DIAPH2: variants seen among roughly 807,000 people sequenced by gnomAD.
DIAPH2 encodes the protein diaphanous related formin 2.
A neutral mutation model predicts 92.7 loss-of-function variants in DIAPH2; 35 were observed. The ratio of observed to expected loss-of-function variants is 0.38; its 90% CI spans 0.29 to 0.50. The LOEUF (loss-of-function observed/expected upper bound fraction) is 0.50, where lower values mean the gene tolerates loss of function less well. Among genes scored for constraint, DIAPH2 ranks in the 20% least tolerant of loss-of-function variants. The probability of loss-of-function intolerance (pLI) is 0.94; values close to 1 mark genes in which losing one functional copy is unlikely to be tolerated. For synonymous variants in DIAPH2, 301 were observed against 280.4 expected, an observed-to-expected ratio of 1.07 and a Z score of -0.73; for missense variants, 701 against 819.5, an observed-to-expected ratio of 0.86 and a Z score of 1.77.
intron 4 of DIAPH2, among the ~76,000 whole-genome samples, chrX:96,833,610 C>T (rs1014838365): frequency 1.5e-4 from 17 of 111,122 alleles, no homozygotes; most frequent in African/African-American, 4.6e-4. Context: ...CAGATAGATT[C>T]ACAGGCCTTT....
At chrX:96,741,421 C>T (rs2064118835) in intron 3 of DIAPH2, among the ~76,000 whole-genome samples, 1 of 109,006 alleles carries the variant, frequency 9.2e-6, no homozygotes, top group Non-Finnish European at 1.9e-5. Context: ...ATCAATGTCA[C>T]CAGATATCTT....
At chrX:96,750,752 A>G (rs1005169340) in intron 3 of DIAPH2, among the ~76,000 whole-genome samples, 1 of 112,901 alleles carries the variant, frequency 8.9e-6, no homozygotes, top group African/African-American at 3.2e-5. Flanking sequence ...CCAACTGTAT[A>G]GTAAACCTCC....
intron 17 of DIAPH2, among the ~76,000 whole-genome samples, chrX:97,060,252 A>G (rs141134720): frequency 0.012 from 1,350 of 112,364 alleles, 22 homozygotes; most frequent in African/African-American, 0.042. Flanking sequence ...CCTAATGGCG[A>G]GCACAGCAGG....
At chrX:96,746,885 G>A (rs1383360036) in intron 3 of DIAPH2, among the ~76,000 whole-genome samples, 1 of 111,575 alleles carries the variant, frequency 9.0e-6, no homozygotes, top group Admixed American at 9.6e-5. Flanking sequence ...GTTCATATTC[G>A]TAACTCTTCT....
At chrX:96,896,973 G>A (rs1042998084) in intron 5 of DIAPH2, among the ~76,000 whole-genome samples, 1 of 111,243 alleles carries the variant, frequency 9.0e-6, no homozygotes, top group African/African-American at 3.3e-5. Context: ...TTTTGTCTTG[G>A]ATAAAAGCCT....
At chrX:97,196,084 A>G (rs1054040259) in intron 22 of DIAPH2, among the ~76,000 whole-genome samples, 6 of 111,790 alleles carry the variant, frequency 5.4e-5, no homozygotes, top group African/African-American at 1.9e-4. Context: ...GAATATGACA[A>G]TGATATCTTC....
intron 4 of DIAPH2, among the ~76,000 whole-genome samples, chrX:96,836,527 C>G (rs1192335373): frequency 3.8e-5 from 4 of 105,724 alleles, no homozygotes; most frequent in African/African-American, 1.4e-4. Flanking sequence ...CTTCCTTCCT[C>G]TGATAGGCTA....
At chrX:97,105,311 A>G in intron 20 of DIAPH2, among the ~76,000 whole-genome samples, 1 of 110,896 alleles carries the variant, frequency 9.0e-6, no homozygotes, top group Non-Finnish European at 1.9e-5. Context: ...TGGAAAAAAG[A>G]GAAAAAAAAA....
In DIAPH2 at chrX:96,751,863, C is replaced by T. The variant is rs1298709279; in HGVS notation, c.343-6291C>T. ...AGAGACAGGGTTTCACCGTTTTAGC[C>T]GGGATGGTCTCGATCTCCTGACCTC... On this transcript the variant is annotated intron_variant, in intron 3 of 26. Coordinates refer to ENST00000324765, the MANE Select transcript of DIAPH2 (RefSeq NM_006729.5). Among the ~76,000 whole-genome samples the T allele has an allele frequency of 6.8e-5, 7 of 102,380 alleles. 1 individual carries two copies. The highest frequency in any genetic ancestry group is 2.4e-4 in the African/African-American group (7 of 28,816). The allele number at this position is 102,380 out of a possible 115,157, so 88.9% of individuals were successfully genotyped here. A position where few individuals can be genotyped will look rare whatever the true frequency, so the allele number is the denominator to read the frequency against.
chrX:97,579,349 T>C (rs975771697), intron 26 of DIAPH2, among the ~76,000 whole-genome samples: 2 of 110,273 alleles, frequency 1.8e-5, no homozygotes, highest in Non-Finnish European at 3.8e-5. Context: ...GATTTTTGTA[T>C]AAGGTGTAAG....
At chrX:97,458,250 C>A (rs1372498691) in intron 26 of DIAPH2, among the ~76,000 whole-genome samples, 1 of 107,996 alleles carries the variant, frequency 9.3e-6, no homozygotes, top group East Asian at 2.9e-4. Context: ...TCCTTTTTTT[C>A]TTGTAATTTT....
intron 26 of DIAPH2, among the ~76,000 whole-genome samples, chrX:97,463,238 A>G (rs1188640859): frequency 9.6e-6 from 1 of 103,695 alleles, no homozygotes; most frequent in African/African-American, 3.5e-5. Context: ...TTGGGTCCCA[A>G]TTCTATGTTC....
rs776643470 is a variant in DIAPH2 at position 96,699,076 on chromosome X, CA to C, written c.132+13887del. 2.3e-4 allele frequency among the ~76,000 whole-genome samples: 26 copies of C among 111,238 alleles called. No individual in the cohort carries two copies. The South Asian group carries it at 9.8e-3, about 42-fold the overall frequency. ...CTAATATTTCCATATTGGTTCTGTTCATACAACTGTGTACAACACAGCATGA... is the reference window on the plus strand; with the variant it reads ...CTAATATTTCCATATTGGTTCTGTTCTACAACTGTGTACAACACAGCATGA... On this transcript the variant is annotated intron_variant, in intron 1 of 26. Coordinates refer to ENST00000324765, the MANE Select transcript of DIAPH2 (RefSeq NM_006729.5).
intron 22 of DIAPH2, among the ~76,000 whole-genome samples, chrX:97,194,345 G>C (rs12834076): frequency 9.6e-6 from 1 of 103,957 alleles, no homozygotes; most frequent in Non-Finnish European, 2.0e-5. Context: ...GCAGTGGCGT[G>C]ATCTTGGCTC....
At chrX:97,342,869 G>T (rs1016118763) in intron 23 of DIAPH2, among the ~76,000 whole-genome samples, 2 of 112,056 alleles carry the variant, frequency 1.8e-5, no homozygotes, top group Admixed American at 1.9e-4. Flanking sequence ...TGGCATTTGA[G>T]CTGCGACTGA....
intron 26 of DIAPH2, among the ~76,000 whole-genome samples, chrX:97,539,666 G>C (rs1011737353): frequency 1.8e-5 from 2 of 111,347 alleles, no homozygotes; most frequent in Non-Finnish European, 3.8e-5. Context: ...TTTAATTTTG[G>C]CACTTAATTT....
At chrX:96,880,489 C>A (rs1167393234) in intron 4 of DIAPH2, among the ~76,000 whole-genome samples, 1 of 111,708 alleles carries the variant, frequency 9.0e-6, no homozygotes, top group African/African-American at 3.2e-5. Flanking sequence ...GAACTCATTT[C>A]TCATTATTAA....
At chrX:96,785,926 G>T (rs1416431659) in intron 4 of DIAPH2, among the ~76,000 whole-genome samples, 1 of 111,755 alleles carries the variant, frequency 8.9e-6, no homozygotes, top group Non-Finnish European at 1.9e-5. Flanking sequence ...CATTCAAACT[G>T]TAGCAGTCCT....
intron 1 of DIAPH2, among the ~76,000 whole-genome samples, chrX:96,689,065 A>T (rs1174330610): frequency 1.8e-5 from 2 of 110,225 alleles, no homozygotes; most frequent in African/African-American, 6.6e-5. Context: ...GGCTTATCGC[A>T]GTAGGTGACA....
Sources: allele counts gnomAD v4.1 joint callset (sites outside exome capture counted in the v4.1 genomes callset), GRCh38; gene constraint gnomAD v4.1.1; transcripts MANE v1.5; gene names NCBI Gene and HGNC (gene_info 2026-07-23, HGNC 2026-07-21).